The following SGCZ variants were observed in gnomAD, a reference collection of about 807,000 sequenced individuals.
SGCZ encodes the protein sarcoglycan zeta.
SGCZ carries 40 observed loss-of-function variants against 41.3 expected under a neutral mutation model. The ratio of observed to expected loss-of-function variants is 0.97; its 90% CI spans 0.75 to 1.26. The LOEUF (loss-of-function observed/expected upper bound fraction) is 1.26, where lower values mean the gene tolerates loss of function less well. SGCZ is among the 50% of genes most tolerant of loss of function. SGCZ has a pLI of 0.00. For missense variants in SGCZ, 552 were observed against 369.8 expected (o/e 1.49, Z -4.04); for synonymous variants, 206 against 137.5 (o/e 1.50, Z -3.49).
At chr8:14,807,093 G>A (rs1250886868) in intron 1 of SGCZ, among the ~76,000 whole-genome samples, 1 of 151,920 alleles carries the variant, frequency 6.6e-6, no homozygotes, top group African/African-American at 2.4e-5. Context: ...AATAATAAGA[G>A]CTATCTATGA....
At chr8:14,313,600 T>G (rs1585351107) in intron 3 of SGCZ, among the ~76,000 whole-genome samples, 1 of 152,266 alleles carries the variant, frequency 6.6e-6, no homozygotes, top group Non-Finnish European at 1.5e-5. Flanking sequence ...CCTCCCAAAG[T>G]TCTGGGATTA....
At chr8:15,119,143 C>A (rs181782314) in intron 1 of SGCZ, among the ~76,000 whole-genome samples, 58 of 152,110 alleles carry the variant, frequency 3.8e-4, no homozygotes, top group Admixed American at 1.7e-3. Flanking sequence ...TTGTTAGACT[C>A]TAAAGAAAAT....
intron 3 of SGCZ, among the ~76,000 whole-genome samples, chr8:14,266,115 A>G (rs1246214002): frequency 2.1e-4 from 32 of 152,172 alleles, no homozygotes; most frequent in Non-Finnish European, 4.1e-4. Context: ...TTATCCGAGG[A>G]CATAAAGATC....
At chr8:14,825,577 T>C (rs1390023417) in intron 1 of SGCZ, among the ~76,000 whole-genome samples, 2 of 152,212 alleles carry the variant, frequency 1.3e-5, no homozygotes, top group Non-Finnish European at 2.9e-5. Flanking sequence ...TATACATGTA[T>C]ACATTGTGTA....
At chr8:15,006,195 C>A (rs575136406) in intron 1 of SGCZ, among the ~76,000 whole-genome samples, 3 of 152,184 alleles carry the variant, frequency 2.0e-5, no homozygotes, top group South Asian at 2.1e-4. Context: ...TGGAAGAATA[C>A]CCTAAAAATA....
chr8:14,734,275 GGAAGA>G (rs1798961638), intron 1 of SGCZ, among the ~76,000 whole-genome samples: 1 of 152,046 alleles, frequency 6.6e-6, no homozygotes, highest in Non-Finnish European at 1.5e-5. Context: ...TAAGATGGTA[GGAAGA>G]GAAAATAAGA....
At chr8:14,544,850 G>C (rs1803576019) in intron 2 of SGCZ, among the ~76,000 whole-genome samples, 1 of 152,040 alleles carries the variant, frequency 6.6e-6, no homozygotes, top group South Asian at 2.1e-4. Flanking sequence ...CAGTAGTCCT[G>C]CTTTTGCCCT....
chr8:14,425,267 C>T (rs7837188), intron 2 of SGCZ, among the ~76,000 whole-genome samples: 52,254 of 151,968 alleles, frequency 0.34, 9,852 homozygotes, highest in African/African-American at 0.5. Context: ...TTATCCTAGT[C>T]TGACAGGTGA....
intron 1 of SGCZ, among the ~76,000 whole-genome samples, chr8:14,676,017 C>A (rs574442504): frequency 1.1e-4 from 16 of 152,118 alleles, no homozygotes; most frequent in African/African-American, 3.6e-4. Context: ...GTTAGGTGCA[C>A]GTATTTGAGA....
intron 1 of SGCZ, among the ~76,000 whole-genome samples, chr8:14,934,359 A>G (rs1041028207): frequency 1.3e-5 from 2 of 151,956 alleles, no homozygotes; most frequent in Non-Finnish European, 2.9e-5. Flanking sequence ...ATGAGGTTCC[A>G]GGATTGAAAG....
chr8:14,411,364 T>C (rs1799355894), intron 2 of SGCZ, among the ~76,000 whole-genome samples: 1 of 152,142 alleles, frequency 6.6e-6, no homozygotes, highest in Admixed American at 6.6e-5. Context: ...TAAAACATAT[T>C]AGTGTTCTGT....
chr8:14,944,930 C>T (rs73201301), intron 1 of SGCZ, among the ~76,000 whole-genome samples: 16,672 of 152,016 alleles, frequency 0.11, 1,029 homozygotes, highest in Middle Eastern at 0.16. Context: ...AATCAAAGCA[C>T]GAGCTATGCT....
At chr8:14,503,426 C>T (rs925671381) in intron 2 of SGCZ, among the ~76,000 whole-genome samples, 5 of 151,934 alleles carry the variant, frequency 3.3e-5, no homozygotes, top group African/African-American at 1.2e-4. Flanking sequence ...CACATGTATC[C>T]CAGAACTTAA....
At chr8:14,500,455 C>A (rs928477760) in intron 2 of SGCZ, among the ~76,000 whole-genome samples, 8 of 148,730 alleles carry the variant, frequency 5.4e-5, no homozygotes, top group Admixed American at 2.7e-4. Flanking sequence ...TTTTTTTTTA[C>A]TATTCATTAG....
intron 1 of SGCZ, among the ~76,000 whole-genome samples, chr8:14,915,583 A>G (rs1044237114): frequency 2.6e-5 from 4 of 152,118 alleles, no homozygotes; most frequent in African/African-American, 7.2e-5. Context: ...AGCAGACAAG[A>G]TGGCACCGAT....
chr8:14,168,137 A>G (rs1220746257), intron 4 of SGCZ, among the ~76,000 whole-genome samples: 1 of 152,104 alleles, frequency 6.6e-6, no homozygotes. Context: ...CAGTATTTTC[A>G]AGGCCTTGAA....
At chr8:15,055,806 A>C (rs1188495209) in intron 1 of SGCZ, among the ~76,000 whole-genome samples, 1 of 152,142 alleles carries the variant, frequency 6.6e-6, no homozygotes, top group Non-Finnish European at 1.5e-5. Context: ...CTTGAGGTGC[A>C]TTTTCATCCA....
intron 1 of SGCZ, among the ~76,000 whole-genome samples, chr8:14,892,835 T>A (rs1188997815): frequency 2.6e-5 from 4 of 152,220 alleles, no homozygotes; most frequent in African/African-American, 9.6e-5. Flanking sequence ...GTTTGAACTA[T>A]ATGATCTCTA....
At chr8:15,122,686 C>A (rs547111836) in intron 1 of SGCZ, among the ~76,000 whole-genome samples, 3 of 152,130 alleles carry the variant, frequency 2.0e-5, no homozygotes, top group Non-Finnish European at 4.4e-5. Flanking sequence ...TGAAGGCCAA[C>A]TGTAAATGCT....
Sources: allele counts gnomAD v4.1 joint callset (sites outside exome capture counted in the v4.1 genomes callset), GRCh38; gene constraint gnomAD v4.1.1; transcripts MANE v1.5; gene names NCBI Gene and HGNC (gene_info 2026-07-23, HGNC 2026-07-21).